Variants in SLC18B1 observed in about 807,000 individuals in gnomAD.
SLC18B1 encodes MFS-type transporter SLC18B1.
Under a neutral mutation model 53.9 loss-of-function variants are expected in SLC18B1, and 62 were observed. The ratio of observed to expected loss-of-function variants is 1.15; its 90% CI spans 0.94 to 1.42. SLC18B1 has a LOEUF of 1.42. Ranked by LOEUF, SLC18B1 falls within the 40% of genes most tolerant of loss-of-function variation. The pLI, the probability that SLC18B1 is intolerant of heterozygous loss-of-function variation, is 0.00. For missense variants in SLC18B1, 598 were observed against 547.3 expected (o/e 1.09, Z -0.93); for synonymous variants, 217 against 200.9 (o/e 1.08, Z -0.68).
In SLC18B1 at chr6:132,779,359, G is replaced by T; in HGVS notation, c.704C>A (p.Pro235His). 4 of 1,613,632 alleles carry T rather than the reference G, an allele frequency of 2.5e-6. No homozygotes were observed. The highest frequency in any genetic ancestry group is 3.4e-6 in the Non-Finnish European group (4 of 1,179,750). ...GACGAAGGCTATAAGGCCAACTTTGGGTAAAGCGATCAGTTTCCAGAATGA... is the reference window on the plus strand; with the variant it reads ...GACGAAGGCTATAAGGCCAACTTTGTGTAAAGCGATCAGTTTCCAGAATGA... Reference protein sequence around the residue: ...EHSFWKLIALPKVGLIAFVIN... With the variant: ...EHSFWKLIALHKVGLIAFVIN... Residue 235 changes from proline to histidine, a missense_variant, in exon 7 of 14, where the codon CCC becomes CAC. Pro to His is a moderately conservative substitution (Grantham distance 77). Transcript: ENST00000275227.
rs1362177227 is a variant in SLC18B1, at chr6:132,789,756, T to C, written c.353+8A>G. 6.2e-7 allele frequency: 1 copy of C among 1,604,474 alleles called. No homozygotes were observed. The highest frequency in any genetic ancestry group is 8.5e-7 in the Non-Finnish European group (1 of 1,171,700). ...CAAGCTCCCAAATATAATCAGAAAA[T>C]GACTTACCCAAAGAGAATTGTAACT... On this transcript the variant is annotated splice_region_variant and intron_variant, in intron 4 of 13. Coordinates refer to ENST00000275227, the MANE Select transcript of SLC18B1 (RefSeq NM_052831.3).
chr6:132,798,288 T>TCAGG, intron 1 of SLC18B1, 126 bp downstream of exon 1: 1 of 1,047,898 alleles, frequency 9.5e-7, no homozygotes, highest in Non-Finnish European at 1.3e-6. Context: ...AACCCCACGA[T>TCAGG]CAGGCCCCAG....
At position 132,797,040 on chromosome 6, in the gene SLC18B1, G is replaced by C; in HGVS notation, c.125C>G (p.Ser42Trp). 2 of 1,614,114 alleles carry C rather than the reference G, an allele frequency of 1.2e-6. No individual in the cohort carries two copies. The highest frequency in any genetic ancestry group is 8.5e-7 in the Non-Finnish European group (1 of 1,180,000). ...GCACATCATGGAACCTAAGTTCACC[G>C]AAGCTGCCGATATCAGTACAAAAAC... ...EQVFVLISAA[S>W]VNLGSMMCYS... Residue 42 changes from serine (S) to tryptophan (W), a missense_variant, in exon 2 of 14, where the codon TCG becomes TGG. By Grantham distance (177) the Ser-to-Trp change is radical (BLOSUM62 -3). Coordinates refer to ENST00000275227, the MANE Select transcript of SLC18B1 (RefSeq NM_052831.3).
At chr6:132,793,435 T>A (rs1781598849) in intron 2 of SLC18B1, among the ~76,000 whole-genome samples, 1 of 152,250 alleles carries the variant, frequency 6.6e-6, no homozygotes, top group South Asian at 2.1e-4. Context: ...CAGCCTTCCC[T>A]CTGCGAGGCG....
chr6:132,786,759 C>CAG (rs140831716), intron 5 of SLC18B1, among the ~76,000 whole-genome samples: 9 of 149,934 alleles, frequency 6.0e-5, no homozygotes, highest in Admixed American at 3.3e-4. Context: ...TGCGTGGGCC[C>CAG]AGAGAGAGAG....
rs1317499842 is a variant in SLC18B1, at chr6:132,798,460, C to T, written c.-4G>A. The T allele has an allele frequency of 3.5e-5, 53 of 1,518,760 alleles. No homozygotes were observed. The highest frequency in any genetic ancestry group is 4.2e-5 in the Non-Finnish European group (48 of 1,129,458). 94.1% of individuals were successfully genotyped at this position (1,518,760 alleles called of 1,614,324 possible). A position where few individuals can be genotyped will look rare whatever the true frequency, so the allele number is the denominator to read the frequency against. ...CCAGGTCACCCAGCGCCTCCATCCC[C>T]GGTGCGTGGACTCCGGCGCCCCAGC... is the stretch of plus-strand genomic sequence containing the variant. On this transcript the variant is annotated 5_prime_UTR_variant, in exon 1 of 14. Coordinates refer to ENST00000275227, the MANE Select transcript of SLC18B1 (RefSeq NM_052831.3).
chr6:132,774,598 GA>G (rs1355063855), intron 8 of SLC18B1, among the ~76,000 whole-genome samples: 2 of 151,930 alleles, frequency 1.3e-5, no homozygotes, highest in Non-Finnish European at 2.9e-5. Context: ...ATATAACAAC[GA>G]AAAAACTCAT....
intron 13 of SLC18B1, among the ~76,000 whole-genome samples, chr6:132,770,651 G>A (rs1387614836): frequency 2.0e-5 from 3 of 152,078 alleles, no homozygotes; most frequent in Admixed American, 6.5e-5. Context: ...CAGGAAAACC[G>A]CTTGAACCCG....
At chr6:132,786,904 G>A (rs1781393300) in intron 5 of SLC18B1, among the ~76,000 whole-genome samples, 1 of 152,140 alleles carries the variant, frequency 6.6e-6, no homozygotes, top group South Asian at 2.1e-4. Context: ...TCAATATCAT[G>A]CCACCAGGAT....
chr6:132,787,322 CAG>C (rs1431561722), intron 5 of SLC18B1, 110 bp downstream of exon 5: 9 of 1,068,628 alleles, frequency 8.4e-6, no homozygotes, highest in Non-Finnish European at 1.2e-5. Context: ...AACAATAATA[CAG>C]AGAGTAGAGA....
chr6:132,781,276 A>G (rs966865904), intron 6 of SLC18B1, among the ~76,000 whole-genome samples: 1 of 152,070 alleles, frequency 6.6e-6, no homozygotes, highest in Non-Finnish European at 1.5e-5. Context: ...TTGAAGACCA[A>G]GTAATGAAAA....
At position 132,798,538 on chromosome 6, in the gene SLC18B1, T is replaced by G; in HGVS notation, c.-82A>C. On this transcript the variant is annotated 5_prime_UTR_variant, in exon 1 of 14. Transcript: ENST00000275227. ...TCGACCTCCAAGGAGCCACTGGCAC[T>G]CTGGCGGGCGGCCGCTGCTCAGCTG... 7.4e-7 allele frequency: 1 copy of G among 1,349,698 alleles called. No individual in the cohort carries two copies. Among genetic ancestry groups the G allele is most frequent in the Non-Finnish European group, 9.7e-7 (1 of 1,034,058 alleles). 83.6% of individuals were successfully genotyped at this position (1,349,698 alleles called of 1,614,324 possible). A position where few individuals can be genotyped will look rare whatever the true frequency, so the allele number is the denominator to read the frequency against.
chr6:132,784,946 T>C (rs1781331165), intron 5 of SLC18B1, among the ~76,000 whole-genome samples: 2 of 151,998 alleles, frequency 1.3e-5, no homozygotes, highest in South Asian at 2.1e-4. Context: ...GATGATTTCA[T>C]TGTTGGTGTA....
At position 132,774,210 on chromosome 6, in the gene SLC18B1, GA is replaced by G; in HGVS notation, c.989+11del. Reference sequence around the variant, plus strand: ...TTATTTGGCCAAACATACAGAAGAAGAAAAAAATTACCTTTTAATATGCAAG... The same window carrying G: ...TTATTTGGCCAAACATACAGAAGAAGAAAAAATTACCTTTTAATATGCAAG... On this transcript the variant is annotated intron_variant, in intron 9 of 13. Transcript: ENST00000275227. 3.8e-6 allele frequency: 6 copies of G among 1,579,058 alleles called. No individual in the cohort carries two copies. Among genetic ancestry groups the G allele is most frequent in the Admixed American group, 1.8e-5 (1 of 55,080 alleles).
At chr6:132,786,732 C>G (rs1464803505) in intron 5 of SLC18B1, among the ~76,000 whole-genome samples, 1 of 151,992 alleles carries the variant, frequency 6.6e-6, no homozygotes, top group African/African-American at 2.4e-5. Context: ...GGGCGCCATA[C>G]CGACTATGAT....
chr6:132,773,291 TG>T (rs140532276), intron 9 of SLC18B1, among the ~76,000 whole-genome samples: 15 of 27,318 alleles, frequency 5.5e-4, no homozygotes, highest in Admixed American at 4.0e-4. Flanking sequence ...GGCGGGGGGG[TG>T]GGGGGGAATT....
rs767357183 is a variant in SLC18B1 at position 132,798,448 on chromosome 6, C to A, written c.9G>T (p.Ala3=). Reference sequence around the variant, plus strand: ...CGCGTGGTCCCTCCAGGTCACCCAGCGCCTCCATCCCCGGTGCGTGGACTC... The same window carrying A: ...CGCGTGGTCCCTCCAGGTCACCCAGAGCCTCCATCCCCGGTGCGTGGACTC... ME[A]LGDLEGPRAP... is the part of the protein sequence containing the mutation. The change falls in exon 1 of 14, where the codon GCG becomes GCT. Residue 3 remains alanine (A), a synonymous_variant. Coordinates refer to ENST00000275227, the MANE Select transcript of SLC18B1 (RefSeq NM_052831.3). The A allele has an allele frequency of 1.8e-5, 27 of 1,524,668 alleles. No homozygotes were observed. In the Admixed American group the frequency reaches 4.8e-4, roughly 27 times the overall value. 94.4% of individuals were successfully genotyped at this position (1,524,668 alleles called of 1,614,324 possible). A position where few individuals can be genotyped will look rare whatever the true frequency, so the allele number is the denominator to read the frequency against.
chr6:132,777,535 A>G (rs1444644913), intron 7 of SLC18B1, among the ~76,000 whole-genome samples: 1 of 152,142 alleles, frequency 6.6e-6, no homozygotes, highest in Non-Finnish European at 1.5e-5. Flanking sequence ...AACACGGTGA[A>G]ACCTCATTTC....
Position 132,770,071 on chromosome 6 carries a change from G to C in SLC18B1, c.*199C>G. The C allele has an allele frequency of 4.9e-6, 2 of 409,576 alleles. No individual in the cohort carries two copies. The highest frequency in any genetic ancestry group is 4.4e-6 in the Non-Finnish European group (1 of 228,422). 25.4% of individuals were successfully genotyped at this position (409,576 alleles called of 1,614,324 possible). On this transcript the variant is annotated 3_prime_UTR_variant, in exon 14 of 14. Transcript: ENST00000275227. ...CATACTTAATATTTCAAATATAGCT[G>C]CTTCAGCAGGACAGCTTTTCAGTAT...
Sources: allele counts gnomAD v4.1 joint callset (sites outside exome capture counted in the v4.1 genomes callset), GRCh38; gene constraint gnomAD v4.1.1; transcripts MANE v1.5; gene names NCBI Gene and HGNC (gene_info 2026-07-23, HGNC 2026-07-21).